HNRNPH1: variants seen among roughly 807,000 people sequenced by gnomAD.
The protein encoded by HNRNPH1 is heterogeneous nuclear ribonucleoprotein H1, also known as heterogeneous nuclear ribonucleoprotein H.
A neutral mutation model predicts 58.6 loss-of-function variants in HNRNPH1; 4 were observed. The observed-to-expected ratio is 0.07, with a 90% confidence interval of 0.03 to 0.16. The LOEUF is 0.16. HNRNPH1 is among the 10% of genes least tolerant of loss of function. HNRNPH1 has a pLI of 1.00. For synonymous variants in HNRNPH1, 192 were observed against 189.2 expected, an observed-to-expected ratio of 1.01 and a Z score of -0.12; for missense variants, 271 against 564.2, an observed-to-expected ratio of 0.48 and a Z score of 5.26.
chr5:179,627,424 G>A (rs1433299364), upstream of HNRNPH1, among the ~76,000 whole-genome samples: 10 of 151,016 alleles, frequency 6.6e-5, no homozygotes, highest in African/African-American at 2.2e-4. Context: ...AATTCCTGGC[G>A]TCAAGCAATT....
In HNRNPH1 at chr5:179,617,504, TCA is replaced by T; in HGVS notation, c.1057+8_1057+9del. The T allele has an allele frequency of 6.2e-7, 1 of 1,611,800 alleles. No individual in the cohort carries two copies. The highest frequency in any genetic ancestry group is 8.5e-7 in the Non-Finnish European group (1 of 1,179,436). On this transcript the variant is annotated splice_region_variant and intron_variant, in intron 8 of 12. Coordinates refer to ENST00000356731, the Ensembl canonical transcript of HNRNPH1. Reference sequence around the variant, plus strand: ...CTGTTAAGAGCCCACAAATGCTCAATCACACTTACGCATATTTGCTTTGTCTT... The same window carrying T: ...CTGTTAAGAGCCCACAAATGCTCAATCACTTACGCATATTTGCTTTGTCTT...
chr5:179,619,211 T>A (rs1771177650), intron 4 of HNRNPH1, 58 bp downstream of exon 5: 15 of 1,402,146 alleles, frequency 1.1e-5, no homozygotes, highest in Non-Finnish European at 1.5e-5. Context: ...AGAGAGAATA[T>A]GGATTTAATT....
At chr5:179,626,716 TAAAAAA>T (rs568513306), upstream of HNRNPH1, among the ~76,000 whole-genome samples, 9 of 135,668 alleles carry the variant, frequency 6.6e-5, no homozygotes, top group African/African-American at 2.4e-4. Context: ...ACTCTGTCTT[TAAAAAA>T]AAAAAAAAAA....
chr5:179,627,893 GCC>G (rs1774522772), upstream of HNRNPH1, among the ~76,000 whole-genome samples: 8 of 150,114 alleles, frequency 5.3e-5, no homozygotes, highest in Non-Finnish European at 1.2e-4. Context: ...CTGTACTCCA[GCC>G]TGGGCAACAG....
At chr5:179,632,248 C>A (rs1452322309) in intron 2 of HNRNPH1, among the ~76,000 whole-genome samples, 3 of 151,384 alleles carry the variant, frequency 2.0e-5, no homozygotes, top group Non-Finnish European at 2.9e-5. Context: ...GCGGAGCTTG[C>A]AGTGAGCCAA....
intron 4 of HNRNPH1, 199 bp from the exon 6 acceptor site, chr5:179,618,522 GA>G (rs750930795): frequency 0.042 from 12,059 of 284,486 alleles, 5 homozygotes; most frequent in East Asian, 0.058. Flanking sequence ...AAACTTTATA[GA>G]AAAAAAAAAA....
rs1768827781 is a variant in HNRNPH1 at position 179,615,026 on chromosome 5, T to C, written c.*1-67A>G. On this transcript the variant is annotated intron_variant, in intron 12 of 12. Coordinates refer to ENST00000356731, the Ensembl canonical transcript of HNRNPH1. ...CTACCAGTCAAATAAAATATAGTATTCCAAGAAAAAGTTTAAAAAGTATAC... is the reference window on the plus strand; with the variant it reads ...CTACCAGTCAAATAAAATATAGTATCCCAAGAAAAAGTTTAAAAAGTATAC... 3 of 1,008,274 alleles carry C rather than the reference T, an allele frequency of 3.0e-6. No individual in the cohort carries two copies. The East Asian group carries it at 7.8e-5, about 26-fold the overall frequency. The allele number at this position is 1,008,274 out of a possible 1,614,324, so 62.5% of individuals were successfully genotyped here.
chr5:179,625,908 A>G (rs149996544), upstream of HNRNPH1, among the ~76,000 whole-genome samples: 90 of 151,742 alleles, frequency 5.9e-4, 2 homozygotes, highest in East Asian at 0.015. Flanking sequence ...AGGTAGGACC[A>G]CAGGCATGTG....
intron 2 of HNRNPH1, among the ~76,000 whole-genome samples, chr5:179,632,315 A>G (rs9763553): frequency 0.065 from 3,547 of 54,566 alleles, 63 homozygotes; most frequent in Non-Finnish European, 0.099. Flanking sequence ...CTCAAAAAAA[A>G]AAAAAAGAAA....
Position 179,621,178 on chromosome 5 carries a change from G to A in HNRNPH1, c.253+64C>T, listed in dbSNP as rs1011644926. On this transcript the variant is annotated intron_variant, in intron 2 of 12. Transcript: ENST00000356731. The stretch of plus-strand genomic sequence containing the variant: ...CATGCAGTCAAATACCTAAAATTCA[G>A]AAGGGGTGAGACCTCTATTGTTTAA... The A allele has an allele frequency of 2.1e-5, 32 of 1,535,440 alleles. No individual in the cohort carries two copies. In the South Asian group the frequency reaches 2.8e-4, roughly 14 times the overall value.
Position 179,614,676 on chromosome 5 carries a change from T to C in HNRNPH1, c.*284A>G, listed in dbSNP as rs1768589411. 5.6e-6 allele frequency: 3 copies of C among 534,722 alleles called. No homozygotes were observed. In the East Asian group the frequency reaches 9.2e-5, roughly 16 times the overall value. The allele number at this position is 534,722 out of a possible 1,614,324, so 33.1% of individuals were successfully genotyped here. A position where few individuals can be genotyped will look rare whatever the true frequency, so the allele number is the denominator to read the frequency against. On this transcript the variant is annotated 3_prime_UTR_variant, in exon 13 of 13. Coordinates refer to ENST00000356731, the Ensembl canonical transcript of HNRNPH1. ...GTTACATCCTAGATGAGTATTGTAT[T>C]CAAAAATACTGGGCCTTAAGTCTTC...
chr5:179,630,614 T>C (rs1267225763), intron 2 of HNRNPH1, among the ~76,000 whole-genome samples: 2 of 152,004 alleles, frequency 1.3e-5, no homozygotes, highest in Non-Finnish European at 2.9e-5. Flanking sequence ...ATTTGCAGTA[T>C]AAATGCATAC....
chr5:179,633,164 G>C (rs1245574147), intron 2 of HNRNPH1, among the ~76,000 whole-genome samples: 1 of 149,468 alleles, frequency 6.7e-6, no homozygotes, highest in Non-Finnish European at 1.5e-5. Context: ...GTTAATTTTT[G>C]TATTTTCAGT....
At chr5:179,616,193 T>G (rs1208950304) in exon 11 of HNRNPH1, 8 of 1,614,080 alleles carry the variant, frequency 5.0e-6, no homozygotes, top group Non-Finnish European at 5.9e-6. Context: ...GCTGGCTGGC[T>G]GGGCCCCCGT....
rs529548541 is a variant in HNRNPH1, at chr5:179,623,674, C to G, written c.-541G>C. 2.0e-5 allele frequency: 3 copies of G among 152,802 alleles called. No homozygotes were observed. The highest frequency in any genetic ancestry group is 4.4e-5 in the Non-Finnish European group (3 of 68,162). 9.5% of individuals were successfully genotyped at this position (152,802 alleles called of 1,614,324 possible). ...TTCTGCGTGGCTAAGACGAAATGGC[C>G]AGCGGGCGCCTGCGCAACCTAAATA... On this transcript the variant is annotated 5_prime_UTR_variant, in exon 1 of 13. Coordinates refer to ENST00000356731, the Ensembl canonical transcript of HNRNPH1.
intron 1 of HNRNPH1, among the ~76,000 whole-genome samples, chr5:179,622,294 A>G (rs972237625): frequency 6.6e-6 from 1 of 152,250 alleles, no homozygotes; most frequent in Admixed American, 6.5e-5. Flanking sequence ...GAAAACACCA[A>G]AACTGGAAAC....
intron 2 of HNRNPH1, among the ~76,000 whole-genome samples, chr5:179,633,653 G>A (rs1475412701): frequency 1.3e-5 from 2 of 152,014 alleles, no homozygotes; most frequent in Non-Finnish European, 2.9e-5. Flanking sequence ...AGTGGCTCAT[G>A]CCTGCAATAT....
intron 2 of HNRNPH1, 49 bp downstream of exon 3, chr5:179,621,193 C>CT: frequency 6.4e-7 from 1 of 1,574,130 alleles, no homozygotes; most frequent in Non-Finnish European, 8.7e-7. Flanking sequence ...GGTGAGACCT[C>CT]TATTGTTTAA....
upstream of HNRNPH1, among the ~76,000 whole-genome samples, chr5:179,627,304 A>G (rs1428601887): frequency 1.3e-5 from 2 of 151,928 alleles, no homozygotes; most frequent in East Asian, 3.9e-4. Flanking sequence ...CCATCCTCCA[A>G]GCTCAGCCTC....
Sources: allele counts gnomAD v4.1 joint callset (sites outside exome capture counted in the v4.1 genomes callset), GRCh38; gene constraint gnomAD v4.1.1; transcripts MANE v1.5; gene names NCBI Gene and HGNC (gene_info 2026-07-23, HGNC 2026-07-21).